The following PPTC7 variants were observed in gnomAD, a reference collection of about 807,000 sequenced individuals.
The protein encoded by PPTC7 is protein phosphatase targeting COQ7, also known as protein phosphatase PTC7 homolog.
Under a neutral mutation model 30.8 loss-of-function variants are expected in PPTC7, and 6 were observed. The observed-to-expected ratio is 0.19, with a 90% CI of 0.11 to 0.38. The LOEUF (loss-of-function observed/expected upper bound fraction) is 0.38, where lower values mean the gene tolerates loss of function less well. Ranked by LOEUF, PPTC7 falls within the 10% of genes least tolerant of loss-of-function variation. The pLI, the probability that PPTC7 is intolerant of heterozygous loss-of-function variation, is 1.00. For missense variants in PPTC7, 218 were observed against 404.8 expected, an observed-to-expected ratio of 0.54 and a Z score of 3.96; for synonymous variants, 163 against 168.1, an observed-to-expected ratio of 0.97 and a Z score of 0.23.
At chr12:110,557,310 A>G (rs2064397431) in intron 1 of PPTC7, among the ~76,000 whole-genome samples, 1 of 152,128 alleles carries the variant, frequency 6.6e-6, no homozygotes, top group Non-Finnish European at 1.5e-5. Context: ...ATGGGGTCTC[A>G]CTCTAGCCCA....
chr12:110,560,258 G>C (rs1270471770), intron 1 of PPTC7, among the ~76,000 whole-genome samples: 2 of 152,022 alleles, frequency 1.3e-5, no homozygotes, highest in African/African-American at 2.4e-5. Flanking sequence ...AAATCAGCCA[G>C]GGATGGTGGC....
At chr12:110,564,551 T>C (rs765984177) in intron 1 of PPTC7, among the ~76,000 whole-genome samples, 23 of 152,142 alleles carry the variant, frequency 1.5e-4, no homozygotes, top group South Asian at 4.1e-4. Flanking sequence ...CCAAAGAAGA[T>C]ACTATTTACC....
intron 1 of PPTC7, among the ~76,000 whole-genome samples, chr12:110,572,929 G>C (rs780717469): frequency 1.3e-5 from 2 of 151,976 alleles, no homozygotes; most frequent in South Asian, 2.1e-4. Flanking sequence ...ACCCAGGCTG[G>C]AGTGCAGTGG....
intron 1 of PPTC7, among the ~76,000 whole-genome samples, chr12:110,553,851 CCTTT>C (rs1345291575): frequency 7.2e-5 from 11 of 152,110 alleles, no homozygotes; most frequent in South Asian, 2.1e-4. Context: ...ACTGAGCTCA[CCTTT>C]CTTTATTTAC....
chr12:110,539,750 C>T (rs1210767510), intron 4 of PPTC7, 72 bp downstream of exon 4: 24 of 1,383,120 alleles, frequency 1.7e-5, no homozygotes, highest in Non-Finnish European at 3.0e-6. Context: ...AGAGATAATG[C>T]AACTGAATCC....
intron 1 of PPTC7, among the ~76,000 whole-genome samples, chr12:110,576,603 A>G (rs1002188540): frequency 6.6e-6 from 1 of 152,250 alleles, no homozygotes. Context: ...ATGCTAAGGG[A>G]AAACATGCTA....
intron 1 of PPTC7, among the ~76,000 whole-genome samples, chr12:110,574,141 T>TAAAAA (rs58133391): frequency 1.7e-3 from 64 of 37,448 alleles, no homozygotes; most frequent in African/African-American, 2.4e-3. Context: ...CCACAATAAT[T>TAAAAA]AAAAAAAAAA....
At chr12:110,563,796 C>T (rs984763685) in intron 1 of PPTC7, among the ~76,000 whole-genome samples, 11 of 152,324 alleles carry the variant, frequency 7.2e-5, no homozygotes, top group Non-Finnish European at 1.5e-4. Flanking sequence ...CCTCCACATA[C>T]ACTTACACCT....
At chr12:110,569,311 C>T (rs192662621) in intron 1 of PPTC7, among the ~76,000 whole-genome samples, 34 of 151,666 alleles carry the variant, frequency 2.2e-4, no homozygotes, top group Admixed American at 5.3e-4. Flanking sequence ...CCAGCCTGGG[C>T]GACAGAGTGA....
chr12:110,564,037 T>C (rs1338435458), intron 1 of PPTC7, among the ~76,000 whole-genome samples: 1 of 152,262 alleles, frequency 6.6e-6, no homozygotes, highest in Non-Finnish European at 1.5e-5. Flanking sequence ...GGCTCAACTG[T>C]GGCTTGGGAA....
intron 1 of PPTC7, among the ~76,000 whole-genome samples, chr12:110,565,158 C>T (rs1279812446): frequency 2.0e-5 from 3 of 151,572 alleles, no homozygotes; most frequent in East Asian, 3.9e-4. Context: ...TTACCCACCA[C>T]GCCTGGCCTA....
intron 1 of PPTC7, among the ~76,000 whole-genome samples, chr12:110,575,095 T>A (rs1044560683): frequency 3.3e-5 from 5 of 151,872 alleles, no homozygotes; most frequent in African/African-American, 9.7e-5. Flanking sequence ...CCGGCCCCTA[T>A]CAGGTTTTTA....
chr12:110,549,103 C>T (rs2064332857), intron 2 of PPTC7, among the ~76,000 whole-genome samples: 1 of 152,136 alleles, frequency 6.6e-6, no homozygotes. Context: ...CACCCAGCTC[C>T]TTATTTTGTA....
intron 2 of PPTC7, among the ~76,000 whole-genome samples, chr12:110,550,223 ATTTTT>A (rs796973487): frequency 1.9e-5 from 2 of 103,028 alleles, no homozygotes; most frequent in South Asian, 3.1e-4. Flanking sequence ...ACAGGGGCTG[ATTTTT>A]TTTTTTTTTT....
chr12:110,548,202 C>T (rs1291171907), intron 2 of PPTC7, among the ~76,000 whole-genome samples: 1 of 151,804 alleles, frequency 6.6e-6, no homozygotes, highest in Non-Finnish European at 1.5e-5. Context: ...ATTCAAGTTA[C>T]CATTATTCTA....
chr12:110,546,133 C>T (rs2064304169), intron 2 of PPTC7, 55 bp from the exon 3 acceptor site: 1 of 1,352,832 alleles, frequency 7.4e-7, no homozygotes, highest in Admixed American at 1.9e-5. Context: ...CCTTTGCACA[C>T]ACATTTTAAC....
chr12:110,574,042 A>C (rs1223000243), intron 1 of PPTC7, among the ~76,000 whole-genome samples: 1 of 151,130 alleles, frequency 6.6e-6, no homozygotes, highest in Non-Finnish European at 1.5e-5. Context: ...TCATGCCTTA[A>C]ATCCCAGTAC....
In PPTC7 at chr12:110,571,259, C is replaced by A. The variant is rs1276209565; in HGVS notation, c.223+11550G>T. Among the ~76,000 whole-genome samples the A allele has an allele frequency of 3.3e-5, 5 of 151,916 alleles. No homozygotes were observed. In the South Asian group the frequency reaches 1.0e-3, roughly 32 times the overall value. On this transcript the variant is annotated intron_variant, in intron 1 of 5. Coordinates refer to ENST00000354300, the MANE Select transcript of PPTC7 (RefSeq NM_139283.2). ...AGTATCTACAAAAAATCTAATCAAG[C>A]TATTTCAAATAATAGAACAATTTTG...
chr12:110,536,894 G>A lies in PPTC7; in HGVS notation c.*143C>T, dbSNP rs961227701. ...AGTGGTTCTCAACAAAGATCTCAAC[G>A]AGTCTCAAGAAGACAGGCAAAAGAC... On this transcript the variant is annotated 3_prime_UTR_variant, in exon 6 of 6. Transcript: ENST00000354300. The A allele has an allele frequency of 4.6e-6, 3 of 656,830 alleles. No individual in the cohort carries two copies. The highest frequency in any genetic ancestry group is 3.6e-5 in the African/African-American group (2 of 55,200). 40.7% of individuals were successfully genotyped at this position (656,830 alleles called of 1,614,324 possible). A position where few individuals can be genotyped will look rare whatever the true frequency, so the allele number is the denominator to read the frequency against.
Sources: gnomAD v4.1 joint callset for allele counts (sites outside exome capture counted in the v4.1 genomes callset) on GRCh38, gnomAD v4.1.1 for gene constraint, MANE v1.5 for transcripts, NCBI Gene and HGNC (gene_info 2026-07-23, HGNC 2026-07-21) for gene names.